NME5: variants seen among roughly 807,000 people sequenced by gnomAD.
The protein encoded by NME5 is NME/NM23 family member 5, also known as nucleoside diphosphate kinase 5.
NME5 carries 18 observed loss-of-function variants against 21.6 expected under a neutral mutation model. That is an observed-to-expected ratio of 0.83 (90% CI 0.58 to 1.24). NME5 has a LOEUF of 1.24. Ranked by LOEUF, NME5 falls within the 50% of genes most tolerant of loss-of-function variation. NME5 has a pLI of 0.00. For synonymous variants in NME5, 70 were observed against 80.6 expected, an observed-to-expected ratio of 0.87 and a Z score of 0.71; for missense variants, 223 against 255.4, an observed-to-expected ratio of 0.87 and a Z score of 0.86.
At chr5:138,139,274 T>C (rs1478470761) in intron 1 of NME5, 97 bp downstream of exon 1, 69 of 740,988 alleles carry the variant, frequency 9.3e-5, no homozygotes, top group Non-Finnish European at 1.1e-4. Flanking sequence ...TCTCTGTGCA[T>C]AGGGTCAGGC....
intron 4 of NME5, among the ~76,000 whole-genome samples, chr5:138,124,526 CATTT>C (rs1183781655): frequency 1.3e-5 from 2 of 151,990 alleles, no homozygotes; most frequent in South Asian, 2.1e-4. Flanking sequence ...GTGAATTATT[CATTT>C]ATTTATTTAT....
At chr5:138,123,635 T>TC (rs1318310927) in intron 4 of NME5, among the ~76,000 whole-genome samples, 1 of 152,198 alleles carries the variant, frequency 6.6e-6, no homozygotes, top group African/African-American at 2.4e-5. Flanking sequence ...TTAGGTTGAT[T>TC]CCATATCTTG....
At chr5:138,127,878 C>A (rs1171824918) in intron 4 of NME5, among the ~76,000 whole-genome samples, 1 of 152,090 alleles carries the variant, frequency 6.6e-6, no homozygotes, top group Non-Finnish European at 1.5e-5. Context: ...CTAGAAAGAA[C>A]TGTTACACAG....
At chr5:138,132,689 A>G (rs753640611) in intron 2 of NME5, among the ~76,000 whole-genome samples, 49 of 152,200 alleles carry the variant, frequency 3.2e-4, no homozygotes, top group Non-Finnish European at 5.9e-4. Context: ...CAAGGGACCA[A>G]ACCGCCCAGA....
chr5:138,137,071 GTTTAA>G (rs1751715917), intron 2 of NME5, among the ~76,000 whole-genome samples: 1 of 150,834 alleles, frequency 6.6e-6, no homozygotes, highest in Non-Finnish European at 1.5e-5. Context: ...AACTTACATG[GTTTAA>G]TTTTTTTAAT....
chr5:138,123,985 C>CTTTTTTTTT (rs70979583), intron 4 of NME5, among the ~76,000 whole-genome samples: 1 of 37,212 alleles, frequency 2.7e-5, no homozygotes, highest in Non-Finnish European at 4.3e-5. Context: ...ATTTTGAGCA[C>CTTTTTTTTT]TTTTTTTTTT....
intron 2 of NME5, among the ~76,000 whole-genome samples, chr5:138,136,674 C>T (rs1751704770): frequency 6.6e-6 from 1 of 151,558 alleles, no homozygotes; most frequent in African/African-American, 2.4e-5. Context: ...GAGAGTTTCG[C>T]TCTTGTTGCC....
intron 5 of NME5, among the ~76,000 whole-genome samples, chr5:138,117,422 A>G (rs1751186466): frequency 6.6e-6 from 1 of 152,134 alleles, no homozygotes; most frequent in Admixed American, 6.6e-5. Context: ...TGAAAAGACA[A>G]CCTACAAAAT....
rs1157305968 is a variant in NME5 at position 138,134,830 on chromosome 5, A to G, written c.129+3822T>C. On this transcript the variant is annotated intron_variant, in intron 2 of 5. Transcript: ENST00000265191. ...AAGCTCCACCTCCCGGGTTCACGCC[A>G]TTCTCCTGCCTCGTAGCTGGGACTA... Among the ~76,000 whole-genome samples, 7 of 119,818 alleles carry G rather than the reference A, an allele frequency of 5.8e-5. No homozygotes were observed. The East Asian group carries it at 1.9e-3, about 33-fold the overall frequency. 78.6% of individuals were successfully genotyped at this position (119,818 alleles called of 152,430 possible).
At chr5:138,135,627 A>G (rs1310685982) in intron 2 of NME5, among the ~76,000 whole-genome samples, 1 of 152,142 alleles carries the variant, frequency 6.6e-6, no homozygotes, top group Admixed American at 6.5e-5. Context: ...GAGCCACTGC[A>G]CCCGGGCAAA....
Position 138,118,956 on chromosome 5 carries a change from C to T in NME5, c.437-20G>A. On this transcript the variant is annotated intron_variant, in intron 4 of 5. Transcript: ENST00000265191. ...CAATCACTGCAAATACAAATGTATTCTCATTGATGCAAACATAATGATTAA... is the reference window on the plus strand; with the variant it reads ...CAATCACTGCAAATACAAATGTATTTTCATTGATGCAAACATAATGATTAA... The T allele has an allele frequency of 7.7e-7, 1 of 1,295,504 alleles. No individual in the cohort carries two copies. The highest frequency in any genetic ancestry group is 1.1e-6 in the Non-Finnish European group (1 of 891,942). The allele number at this position is 1,295,504 out of a possible 1,614,324, so 80.3% of individuals were successfully genotyped here. A position where few individuals can be genotyped will look rare whatever the true frequency, so the allele number is the denominator to read the frequency against.
At chr5:138,135,100 C>CCT in intron 2 of NME5, among the ~76,000 whole-genome samples, 1 of 148,852 alleles carries the variant, frequency 6.7e-6, no homozygotes, top group Non-Finnish European at 1.5e-5. Context: ...AGGTGGATCA[C>CCT]AAGGTCAGGA....
rs59354099 is a variant in NME5, at chr5:138,120,230, CT to C, written c.437-1295del. 2.4e-3 allele frequency among the ~76,000 whole-genome samples: 208 copies of C among 87,126 alleles called. 1 individual carries two copies. The highest frequency in any genetic ancestry group is 8.9e-3 in the African/African-American group (196 of 21,990). The allele number at this position is 87,126 out of a possible 152,430, so 57.2% of individuals were successfully genotyped here. ...CAGGTGCAAACCACTGCTCCCAGCT[CT>C]TTTTTTTTTTTTTTTTTTTTTGAGA... On this transcript the variant is annotated intron_variant, in intron 4 of 5. Coordinates refer to ENST00000265191, the MANE Select transcript of NME5 (RefSeq NM_003551.3).
chr5:138,134,589 A>T (rs1004911372), intron 2 of NME5, among the ~76,000 whole-genome samples: 3 of 152,014 alleles, frequency 2.0e-5, no homozygotes, highest in Non-Finnish European at 4.4e-5. Flanking sequence ...CACATTGGCC[A>T]GGGTGGTCTT....
intron 2 of NME5, among the ~76,000 whole-genome samples, chr5:138,135,307 G>A (rs1451665575): frequency 3.5e-5 from 5 of 141,902 alleles, no homozygotes; most frequent in Non-Finnish European, 7.7e-5. Context: ...GACACAGAGC[G>A]AGACTCCGTC....
At chr5:138,123,286 A>G (rs575939771) in intron 4 of NME5, among the ~76,000 whole-genome samples, 85 of 152,294 alleles carry the variant, frequency 5.6e-4, no homozygotes, top group African/African-American at 2.0e-3. Context: ...GCAATTTTCA[A>G]CAACACATTA....
chr5:138,133,618 A>G (rs1312383885), intron 2 of NME5, among the ~76,000 whole-genome samples: 1 of 152,198 alleles, frequency 6.6e-6, no homozygotes, highest in East Asian at 1.9e-4. Flanking sequence ...AGTTTGTAAC[A>G]AAGGCAACAC....
Position 138,129,412 on chromosome 5 carries a change from A to C in NME5, c.186T>G (p.Tyr62Ter). The C allele has an allele frequency of 6.2e-7, 1 of 1,614,144 alleles. No homozygotes were observed. The highest frequency in any genetic ancestry group is 2.2e-5 in the East Asian group (1 of 44,876). ...EQCSNFYVEK[Y>*]GKMFFPNLTA... is the part of the protein sequence containing the mutation. ...TTAAGTTGGGGAAAAACATTTTTCCATACTTTTCCACATAAAAGTTACTAC... is the reference window on the plus strand; with the variant it reads ...TTAAGTTGGGGAAAAACATTTTTCCCTACTTTTCCACATAAAAGTTACTAC... The change falls in exon 3 of 6, where the codon TAT becomes TAG. Residue 62 changes from tyrosine (Y) to a stop codon, truncating the protein, a stop_gained. Coordinates refer to ENST00000265191, the MANE Select transcript of NME5 (RefSeq NM_003551.3). LOFTEE classifies it high-confidence loss of function.
At chr5:138,118,757 C>T (rs1751219363) in intron 5 of NME5, 61 bp downstream of exon 5, 4 of 1,141,018 alleles carry the variant, frequency 3.5e-6, no homozygotes, top group East Asian at 2.4e-5. Context: ...GCTGGGATTA[C>T]AGGCATGAGC....
Sources: allele counts gnomAD v4.1 joint callset (sites outside exome capture counted in the v4.1 genomes callset), GRCh38; gene constraint gnomAD v4.1.1; transcripts MANE v1.5; gene names NCBI Gene and HGNC (gene_info 2026-07-23, HGNC 2026-07-21).